EFCAB8: variants seen among roughly 807,000 people sequenced by gnomAD.
EFCAB8 encodes the protein EF-hand calcium-binding domain-containing protein 8.
A neutral mutation model predicts 116.3 loss-of-function variants in EFCAB8; 100 were observed. That is an observed-to-expected ratio of 0.86 (90% CI 0.73 to 1.02). The LOEUF (loss-of-function observed/expected upper bound fraction) is 1.02. Ranked by LOEUF, EFCAB8 falls within the 50% of genes least tolerant of loss-of-function variation. The probability of loss-of-function intolerance (pLI) is 0.00; values close to 1 mark genes in which losing one functional copy is unlikely to be tolerated. For synonymous variants in EFCAB8, 558 were observed against 567.9 expected (o/e 0.98, Z 0.25); for missense variants, 1,320 against 1,416.9 (o/e 0.93, Z 1.10).
At chr20:32,889,831 G>A (rs369342169) in intron 7 of EFCAB8, among the ~76,000 whole-genome samples, 5 of 151,870 alleles carry the variant, frequency 3.3e-5, no homozygotes, top group Non-Finnish European at 7.4e-5. Context: ...GTGAAACCCC[G>A]CCTCTACTAA....
chr20:32,915,103 A>G (rs1412005922), intron 17 of EFCAB8, among the ~76,000 whole-genome samples: 3 of 151,988 alleles, frequency 2.0e-5, no homozygotes, highest in Non-Finnish European at 2.9e-5. Context: ...GGGTCTTGCT[A>G]TGTTGCCCAG....
chr20:32,961,476 C>T lies in EFCAB8; in HGVS notation c.3734C>T (p.Ser1245Phe). ...GCCCATTCCACCCCCTCGGTCCCAT[C>T]CCCGGTGTCCAAGTCCACCCTGCAG... is the stretch of plus-strand genomic sequence containing the variant. ...STAHSTPSVP[S>F]PVSKSTLQGS... The change falls in exon 27 of 27, where the codon TCC (serine) becomes TTC (phenylalanine). Residue 1245 changes from serine to phenylalanine, a missense_variant. Transcript: ENST00000400522. The T allele has an allele frequency of 1.4e-6, 2 of 1,449,688 alleles. No homozygotes were observed. The highest frequency in any genetic ancestry group is 1.8e-6 in the Non-Finnish European group (2 of 1,097,806). 89.8% of individuals were successfully genotyped at this position (1,449,688 alleles called of 1,614,324 possible).
At position 32,892,133 on chromosome 20, in the gene EFCAB8, A is replaced by G. The variant is rs372214136; in HGVS notation, c.674-80A>G. 1.5e-5 allele frequency: 18 copies of G among 1,237,634 alleles called. No homozygotes were observed. The African/African-American group carries it at 2.4e-4, about 17-fold the overall frequency. The allele number at this position is 1,237,634 out of a possible 1,614,324, so 76.7% of individuals were successfully genotyped here. On this transcript the variant is annotated intron_variant, in intron 7 of 26. Transcript: ENST00000400522. ...GAAGGGGCCAGAGATTCCTTGGGATAGCAATGAGGCTGCTCACTGTGACTG... is the reference window on the plus strand; with the variant it reads ...GAAGGGGCCAGAGATTCCTTGGGATGGCAATGAGGCTGCTCACTGTGACTG...
chr20:32,900,861 C>T (rs1207182125), intron 11 of EFCAB8, among the ~76,000 whole-genome samples: 2 of 152,192 alleles, frequency 1.3e-5, no homozygotes, highest in African/African-American at 2.4e-5. Flanking sequence ...AGCCACCATG[C>T]CCGGCTTAAT....
intron 11 of EFCAB8, among the ~76,000 whole-genome samples, chr20:32,901,358 A>T (rs1249595821): frequency 6.6e-6 from 1 of 152,260 alleles, no homozygotes; most frequent in Non-Finnish European, 1.5e-5. Context: ...TCATAATGTT[A>T]TAAGAAAGTT....
intron 3 of EFCAB8, among the ~76,000 whole-genome samples, chr20:32,874,514 G>A (rs1159157039): frequency 6.6e-6 from 1 of 151,966 alleles, no homozygotes; most frequent in African/African-American, 2.4e-5. Flanking sequence ...ATGAGCCACT[G>A]TGCCTGGCCT....
intron 22 of EFCAB8, among the ~76,000 whole-genome samples, chr20:32,932,987 A>C (rs1408833523): frequency 6.6e-6 from 1 of 152,246 alleles, no homozygotes; most frequent in Non-Finnish European, 1.5e-5. Context: ...AAGAATTTAT[A>C]ATGTTGATAC....
intron 11 of EFCAB8, among the ~76,000 whole-genome samples, chr20:32,902,104 A>C (rs1293422005): frequency 6.6e-6 from 1 of 152,232 alleles, no homozygotes; most frequent in African/African-American, 2.4e-5. Context: ...AGTCCACGTT[A>C]ATATTTCTCT....
At chr20:32,905,933 G>A (rs1246987554) in intron 11 of EFCAB8, among the ~76,000 whole-genome samples, 1 of 152,040 alleles carries the variant, frequency 6.6e-6, no homozygotes, top group Non-Finnish European at 1.5e-5. Flanking sequence ...GGGGTAGCAT[G>A]TCCTAAACCC....
intron 23 of EFCAB8, among the ~76,000 whole-genome samples, chr20:32,952,722 C>T (rs185548172): frequency 6.6e-5 from 10 of 152,244 alleles, no homozygotes; most frequent in Admixed American, 2.6e-4. Context: ...ATCACTTGCC[C>T]GTTCATTTTC....
chr20:32,908,558 G>A (rs1022277376), intron 14 of EFCAB8, 146 bp downstream of exon 14: 32 of 899,292 alleles, frequency 3.6e-5, no homozygotes, highest in Non-Finnish European at 3.2e-5. Flanking sequence ...GCCTGTGAGG[G>A]GCCGTGTCTT....
At chr20:32,928,811 T>A (rs1414131180) in intron 20 of EFCAB8, among the ~76,000 whole-genome samples, 1 of 152,114 alleles carries the variant, frequency 6.6e-6, no homozygotes, top group Admixed American at 6.5e-5. Flanking sequence ...AAGCTTTCAG[T>A]CTTTTACTAT....
chr20:32,958,590 G>A (rs1326766225), intron 24 of EFCAB8, 40 bp downstream of exon 24: 1 of 413,970 alleles, frequency 2.4e-6, no homozygotes, highest in Non-Finnish European at 4.4e-6. Context: ...CTGGCCTGAG[G>A]AGGGAGAGGC....
At chr20:32,918,704 T>G (rs1987317432) in intron 19 of EFCAB8, 130 bp downstream of exon 19, 2 of 883,038 alleles carry the variant, frequency 2.3e-6, no homozygotes, top group Admixed American at 2.3e-5. Context: ...TCAACTCACT[T>G]GTTTTGAGCA....
chr20:32,863,143 C>T (rs1268566391), intron 1 of EFCAB8, among the ~76,000 whole-genome samples: 1 of 152,120 alleles, frequency 6.6e-6, no homozygotes, highest in African/African-American at 2.4e-5. Flanking sequence ...CTTGGCTGTC[C>T]CCCTGCCATC....
intron 2 of EFCAB8, among the ~76,000 whole-genome samples, chr20:32,866,955 T>C (rs1222223344): frequency 6.6e-6 from 1 of 151,732 alleles, no homozygotes; most frequent in Non-Finnish European, 1.5e-5. Flanking sequence ...TCTTGCTCTG[T>C]TGCCCAGGCT....
Position 32,917,448 on chromosome 20 carries a change from C to G in EFCAB8, c.2004C>G (p.Leu668=), listed in dbSNP as rs1457126866. The G allele has an allele frequency of 1.3e-6, 2 of 1,552,176 alleles. No individual in the cohort carries two copies. The highest frequency in any genetic ancestry group is 2.4e-5 in the East Asian group (1 of 40,910). Residue 668 remains leucine, a synonymous_variant, in exon 18 of 27, where the codon CTC becomes CTG. Transcript: ENST00000400522. ...GDILFWNTGT[L]KPIFNFNASR... Reference sequence around the variant, plus strand: ...TCCTCTTCTGGAACACCGGCACACTCAAGCCCATCTTCAACTTCAATGCCT... The same window carrying G: ...TCCTCTTCTGGAACACCGGCACACTGAAGCCCATCTTCAACTTCAATGCCT...
chr20:32,952,427 A>T (rs1988827898), intron 23 of EFCAB8, among the ~76,000 whole-genome samples: 1 of 152,156 alleles, frequency 6.6e-6, no homozygotes, highest in Non-Finnish European at 1.5e-5. Flanking sequence ...TAATTTTTGT[A>T]ATGTTGTGAA....
At chr20:32,911,849 T>C in intron 16 of EFCAB8, 142 bp downstream of exon 16, 1 of 759,184 alleles carries the variant, frequency 1.3e-6, no homozygotes, top group South Asian at 1.7e-5. Flanking sequence ...CAAACCTCCC[T>C]GAGCCTCTGT....
Sources: allele counts gnomAD v4.1 joint callset (sites outside exome capture counted in the v4.1 genomes callset), GRCh38; gene constraint gnomAD v4.1.1; transcripts MANE v1.5; gene names NCBI Gene and HGNC (gene_info 2026-07-23, HGNC 2026-07-21).